Variants in RAB20 observed in about 807,000 individuals in gnomAD.
RAB20 encodes the protein ras-related protein Rab-20.
Under a neutral mutation model 3.7 loss-of-function variants are expected in RAB20, and 2 were observed. That is an observed-to-expected ratio of 0.54 (90% confidence interval 0.22 to 1.69). The LOEUF is 1.69. Ranked by LOEUF, RAB20 falls within the 40% of genes most tolerant of loss-of-function variation. The pLI is 0.19. For missense variants in RAB20, 276 were observed against 311.9 expected (o/e 0.88, Z 0.87); for synonymous variants, 126 against 130.8 (o/e 0.96, Z 0.25).
At chr13:110,558,268 T>A (rs1274218626) in intron 1 of RAB20, among the ~76,000 whole-genome samples, 1 of 152,154 alleles carries the variant, frequency 6.6e-6, no homozygotes, top group Non-Finnish European at 1.5e-5. Flanking sequence ...TGTGCCCAAT[T>A]AGACAAGGGC....
At chr13:110,531,894 G>T (rs1301416667) in intron 1 of RAB20, among the ~76,000 whole-genome samples, 1 of 152,230 alleles carries the variant, frequency 6.6e-6, no homozygotes, top group Admixed American at 6.5e-5. Context: ...GGCAGAAGGG[G>T]AAGGGAAGTC....
chr13:110,548,460 G>A (rs1365638907), intron 1 of RAB20, among the ~76,000 whole-genome samples: 2 of 145,186 alleles, frequency 1.4e-5, no homozygotes, highest in African/African-American at 5.0e-5. Flanking sequence ...CTCCAGCCTG[G>A]GCAAGAGAAT....
chr13:110,535,555 C>T (rs1474538327), intron 1 of RAB20, among the ~76,000 whole-genome samples: 1 of 152,250 alleles, frequency 6.6e-6, no homozygotes, highest in African/African-American at 2.4e-5. Flanking sequence ...ACTCTACTGG[C>T]GAGATTGGAA....
At chr13:110,547,955 T>C (rs1884884332) in intron 1 of RAB20, among the ~76,000 whole-genome samples, 1 of 152,222 alleles carries the variant, frequency 6.6e-6, no homozygotes, top group African/African-American at 2.4e-5. Flanking sequence ...GCATTTCAGA[T>C]ATAACCTGGA....
intron 1 of RAB20, among the ~76,000 whole-genome samples, chr13:110,531,378 C>T (rs529420524): frequency 1.1e-4 from 17 of 152,348 alleles, no homozygotes; most frequent in African/African-American, 3.8e-4. Context: ...CCAAATTTTA[C>T]GCAGAGAACT....
chr13:110,540,076 C>T (rs1566587397), intron 1 of RAB20, among the ~76,000 whole-genome samples: 1 of 152,242 alleles, frequency 6.6e-6, no homozygotes, highest in Non-Finnish European at 1.5e-5. Context: ...CAAGTCACAT[C>T]ACTCTTCAGA....
intron 1 of RAB20, among the ~76,000 whole-genome samples, chr13:110,535,080 C>T (rs1020133068): frequency 1.5e-4 from 23 of 152,214 alleles, no homozygotes; most frequent in Non-Finnish European, 2.5e-4. Flanking sequence ...GTGATCCCCC[C>T]GCTTTGCCCT....
Position 110,555,484 on chromosome 13 carries a change from G to C in RAB20, c.172+5864C>G, listed in dbSNP as rs1207135636. On this transcript the variant is annotated intron_variant, in intron 1 of 1. Transcript: ENST00000267328. The surrounding 1 kb of genome is among the most constrained non-coding windows in gnomAD (Gnocchi z 4.0). ...CCATCAGCATCCTCTAAAGAGGCCA[G>C]AGGCTGGGCCCATCTCTCTTCCACA... Among the ~76,000 whole-genome samples, 1 of 152,204 alleles carries C rather than the reference G, an allele frequency of 6.6e-6. No homozygotes were observed. The highest frequency in any genetic ancestry group is 1.5e-5 in the Non-Finnish European group (1 of 68,038).
chr13:110,549,170 C>G (rs1884905936), intron 1 of RAB20, among the ~76,000 whole-genome samples: 1 of 152,176 alleles, frequency 6.6e-6, no homozygotes, highest in African/African-American at 2.4e-5. Flanking sequence ...CTTGTGAGTC[C>G]ACAAAACAAA....
At chr13:110,552,642 A>G in intron 1 of RAB20, among the ~76,000 whole-genome samples, 1 of 150,486 alleles carries the variant, frequency 6.6e-6, no homozygotes, top group East Asian at 2.0e-4. Context: ...GCAGTGAGCC[A>G]AGACCATGCC....
Position 110,524,053 on chromosome 13 carries a change from C to G in RAB20, c.317G>C (p.Cys106Ser). ...TTTGTTCCCCACGATGGCAAAGAGG[C>G]AGTCTTTGCTGGCTGTGTCTGTCAG... ...LGLTDTASKDCLFAIVGNKVD... is the reference protein window; with the variant it reads ...LGLTDTASKDSLFAIVGNKVD... Residue 106 changes from cysteine to serine, a missense_variant, in exon 2 of 2, where the codon TGC becomes TCC. Physicochemically the swap from Cys to Ser is moderately radical, Grantham distance 112. Coordinates refer to ENST00000267328, the MANE Select transcript of RAB20 (RefSeq NM_017817.3). The G allele has an allele frequency of 1.2e-6, 2 of 1,614,062 alleles. No individual in the cohort carries two copies. The highest frequency in any genetic ancestry group is 2.2e-5 in the East Asian group (1 of 44,862).
intron 1 of RAB20, among the ~76,000 whole-genome samples, chr13:110,528,852 G>T (rs1884478081): frequency 6.6e-6 from 1 of 152,194 alleles, no homozygotes; most frequent in South Asian, 2.1e-4. Flanking sequence ...AGTAAGAATT[G>T]TTGCTTGAAC....
intron 1 of RAB20, among the ~76,000 whole-genome samples, chr13:110,547,909 C>T (rs1234014196): frequency 6.6e-6 from 1 of 152,206 alleles, no homozygotes; most frequent in Non-Finnish European, 1.5e-5. Context: ...CCCATTTATT[C>T]TTTGTATCTA....
At chr13:110,561,206 ACGAGTGGGAAACCC>A in intron 1 of RAB20, 128 bp downstream of exon 1, 3 of 1,110,438 alleles carry the variant, frequency 2.7e-6, no homozygotes, top group Non-Finnish European at 3.7e-6. Context: ...GCAAGGGAGG[ACGAGTGGGAAACCC>A]CGAGAAGGAG....
At chr13:110,543,195 G>T (rs1884795695) in intron 1 of RAB20, among the ~76,000 whole-genome samples, 1 of 152,028 alleles carries the variant, frequency 6.6e-6, no homozygotes, top group South Asian at 2.1e-4. Context: ...AGAGTGCGGT[G>T]GTGTGATCTT....
chr13:110,523,488 A>C lies in RAB20; in HGVS notation c.*177T>G. 1.7e-6 allele frequency: 2 copies of C among 1,196,596 alleles called. No homozygotes were observed. Among genetic ancestry groups the C allele is most frequent in the Non-Finnish European group, 2.3e-6 (2 of 881,228 alleles). The allele number at this position is 1,196,596 out of a possible 1,614,324, so 74.1% of individuals were successfully genotyped here. Reference sequence around the variant, plus strand: ...CCCACCCCTCTGACAGAGACTGAGGAGACCACACACGTTGACCTCCTCTTC... The same window carrying C: ...CCCACCCCTCTGACAGAGACTGAGGCGACCACACACGTTGACCTCCTCTTC... On this transcript the variant is annotated 3_prime_UTR_variant, in exon 2 of 2. Coordinates refer to ENST00000267328, the MANE Select transcript of RAB20 (RefSeq NM_017817.3).
chr13:110,524,214 G>A lies in RAB20; in HGVS notation c.173-17C>T, dbSNP rs980297604. On this transcript the variant is annotated splice_polypyrimidine_tract_variant and intron_variant, in intron 1 of 1. Transcript: ENST00000267328. The stretch of plus-strand genomic sequence containing the variant: ...GCTCCCGCCCTGGTGGGAAGAGAGG[G>A]ACAGAAAGAGTGGTTATCTCTCATC... The A allele has an allele frequency of 4.5e-6, 7 of 1,564,126 alleles. No individual in the cohort carries two copies. In the African/African-American group the frequency reaches 6.8e-5, roughly 15 times the overall value.
intron 1 of RAB20, among the ~76,000 whole-genome samples, chr13:110,536,609 AGAG>A (rs1450730153): frequency 1.3e-5 from 2 of 151,774 alleles, no homozygotes; most frequent in East Asian, 3.9e-4. Context: ...CAGAGTTCAG[AGAG>A]GAGGAGGCAG....
chr13:110,538,252 AAAAAG>A (rs1325711775), intron 1 of RAB20, among the ~76,000 whole-genome samples: 5 of 150,602 alleles, frequency 3.3e-5, no homozygotes, highest in Admixed American at 2.0e-4. Context: ...AAAAAAAAAA[AAAAAG>A]AAAGAAAGAA....
Sources: gnomAD v4.1 joint callset for allele counts (sites outside exome capture counted in the v4.1 genomes callset) on GRCh38, gnomAD v4.1.1 for gene constraint, Gnocchi (gnomAD v3.1) non-coding constraint, MANE v1.5 for transcripts, NCBI Gene and HGNC (gene_info 2026-07-23, HGNC 2026-07-21) for gene names.